Variants in ROCK2 observed in about 807,000 individuals in gnomAD.
The protein encoded by ROCK2 is Rho associated coiled-coil containing protein kinase 2.
ROCK2 carries 61 observed loss-of-function variants against 195.1 expected under a neutral mutation model. The observed-to-expected ratio is 0.31, with a 90% CI of 0.25 to 0.39. The LOEUF (loss-of-function observed/expected upper bound fraction) is 0.39. Among genes scored for constraint, ROCK2 ranks in the 10% least tolerant of loss-of-function variants. The pLI, the probability that ROCK2 is intolerant of heterozygous loss-of-function variation, is 1.00. For synonymous variants in ROCK2, 504 were observed against 545.5 expected, an observed-to-expected ratio of 0.92 and a Z score of 1.06; for missense variants, 1,109 against 1,637.4, an observed-to-expected ratio of 0.68 and a Z score of 5.57.
Position 11,312,926 on chromosome 2 carries a change from TAG to T in ROCK2, c.142-25192_142-25191del, listed in dbSNP as rs1318794480. ...TATGACATTCTGGAAAAGGCAAAAC[TAG>T]AGATAGCAAAAAGCTCAGTGGTTGG... On this transcript the variant is annotated intron_variant, in intron 1 of 32. Coordinates refer to ENST00000315872, the MANE Select transcript of ROCK2 (RefSeq NM_004850.5). Among the ~76,000 whole-genome samples, 3 of 151,826 alleles carry T rather than the reference TAG, an allele frequency of 2.0e-5. No individual in the cohort carries two copies. In the East Asian group the frequency reaches 5.8e-4, roughly 29 times the overall value.
intron 3 of ROCK2, among the ~76,000 whole-genome samples, chr2:11,282,296 A>G (rs960999691): frequency 7.2e-5 from 11 of 152,124 alleles, no homozygotes; most frequent in African/African-American, 2.7e-4. Flanking sequence ...GGTTGCAGTG[A>G]GCCAGGATCA....
intron 3 of ROCK2, among the ~76,000 whole-genome samples, chr2:11,251,802 TAAAC>T (rs1186978922): frequency 6.6e-6 from 1 of 151,574 alleles, no homozygotes; most frequent in Non-Finnish European, 1.5e-5. Context: ...ACAAGGAACT[TAAAC>T]AAATTTACAA....
chr2:11,326,895 T>G (rs975814329), intron 1 of ROCK2, among the ~76,000 whole-genome samples: 1 of 152,186 alleles, frequency 6.6e-6, no homozygotes, highest in African/African-American at 2.4e-5. Context: ...TGGGTTCTGT[T>G]TTCCCATGAA....
At chr2:11,250,198 C>G (rs1665782388) in intron 3 of ROCK2, among the ~76,000 whole-genome samples, 1 of 152,110 alleles carries the variant, frequency 6.6e-6, no homozygotes, top group South Asian at 2.1e-4. Context: ...GTATACACAT[C>G]CCTCACTATC....
At chr2:11,207,414 C>T (rs1664091370) in intron 20 of ROCK2, among the ~76,000 whole-genome samples, 1 of 152,248 alleles carries the variant, frequency 6.6e-6, no homozygotes, top group African/African-American at 2.4e-5. Flanking sequence ...GGCACACGGA[C>T]AATAAGCTTG....
At chr2:11,191,155 C>T (rs1663406600) in intron 32 of ROCK2, among the ~76,000 whole-genome samples, 1 of 152,158 alleles carries the variant, frequency 6.6e-6, no homozygotes, top group Non-Finnish European at 1.5e-5. Flanking sequence ...AAATCAGATA[C>T]CTGATCAAAG....
At chr2:11,236,980 G>A (rs745857460) in intron 4 of ROCK2, among the ~76,000 whole-genome samples, 3 of 151,888 alleles carry the variant, frequency 2.0e-5, no homozygotes, top group East Asian at 1.9e-4. Flanking sequence ...GTGAAACCCC[G>A]TCTCTACTAA....
At chr2:11,273,697 T>G (rs1043744258) in intron 3 of ROCK2, among the ~76,000 whole-genome samples, 1 of 152,102 alleles carries the variant, frequency 6.6e-6, no homozygotes, top group Non-Finnish European at 1.5e-5. Context: ...CAAGTGCACA[T>G]GGGACATTTT....
chr2:11,229,417 G>T (rs1664922822), intron 5 of ROCK2, among the ~76,000 whole-genome samples: 1 of 151,982 alleles, frequency 6.6e-6, no homozygotes, highest in African/African-American at 2.4e-5. Flanking sequence ...TAAAGAGATT[G>T]GTTTACCAAC....
intron 8 of ROCK2, among the ~76,000 whole-genome samples, chr2:11,221,626 C>T (rs926168741): frequency 3.3e-5 from 5 of 152,058 alleles, no homozygotes; most frequent in Admixed American, 3.3e-4. Context: ...TTAGAGACCT[C>T]CATTTTCTAC....
At chr2:11,306,406 T>G (rs1471473996) in intron 1 of ROCK2, among the ~76,000 whole-genome samples, 1 of 152,198 alleles carries the variant, frequency 6.6e-6, no homozygotes, top group Non-Finnish European at 1.5e-5. Flanking sequence ...TTATCTTTGT[T>G]TTACCTTCTT....
rs766703971 is a variant in ROCK2 at position 11,257,882 on chromosome 2, GAA to G, written c.325-8086_325-8085del. Among the ~76,000 whole-genome samples the G allele has an allele frequency of 2.6e-5, 4 of 151,464 alleles. 1 individual carries two copies. The highest frequency in any genetic ancestry group is 9.8e-5 in the African/African-American group (4 of 40,738). On this transcript the variant is annotated intron_variant, in intron 3 of 32. Transcript: ENST00000315872. ...ATAATGGAGTGATGTATTCTCAAGT[GAA>G]AAGTGTTTGTTTTTCTAACCTGGCC...
intron 1 of ROCK2, among the ~76,000 whole-genome samples, chr2:11,292,096 T>C (rs1249817554): frequency 6.6e-6 from 1 of 152,126 alleles, no homozygotes; most frequent in African/African-American, 2.4e-5. Context: ...GGATTACAAG[T>C]TTATTATTTC....
In ROCK2 at chr2:11,201,450, T is replaced by C; in HGVS notation, c.2620-37A>G. 1 of 1,063,028 alleles carries C rather than the reference T, an allele frequency of 9.4e-7. No individual in the cohort carries two copies. The allele number at this position is 1,063,028 out of a possible 1,614,324, so 65.8% of individuals were successfully genotyped here. A position where few individuals can be genotyped will look rare whatever the true frequency, so the allele number is the denominator to read the frequency against. ...AATACAACAGAAATGCGTATCATCA[T>C]CAGAAATATTACTTCTACATTCAAA... On this transcript the variant is annotated intron_variant, in intron 21 of 32. Transcript: ENST00000315872. The surrounding 1 kb of genome is among the most constrained non-coding windows in gnomAD (Gnocchi z 4.6).
intron 17 of ROCK2, among the ~76,000 whole-genome samples, chr2:11,212,130 T>A (rs1310764864): frequency 6.6e-6 from 1 of 152,026 alleles, no homozygotes; most frequent in Non-Finnish European, 1.5e-5. Flanking sequence ...CTGCCTACAC[T>A]GATCTTGAAC....
intron 1 of ROCK2, among the ~76,000 whole-genome samples, chr2:11,325,324 C>G (rs1668514889): frequency 6.6e-6 from 1 of 152,182 alleles, no homozygotes. Flanking sequence ...GGTCTTGGAA[C>G]CAATCCCCCT....
Position 11,235,646 on chromosome 2 carries a change from T to G in ROCK2, c.723+56A>C. 1 of 1,520,692 alleles carries G rather than the reference T, an allele frequency of 6.6e-7. No homozygotes were observed. The allele number at this position is 1,520,692 out of a possible 1,614,324, so 94.2% of individuals were successfully genotyped here. The stretch of plus-strand genomic sequence containing the variant: ...AACTATGAAGACCTGACTTAAAGTA[T>G]TTCATTTATTTCTGTCCCTCAAAAC... On this transcript the variant is annotated intron_variant, in intron 5 of 32. Coordinates refer to ENST00000315872, the MANE Select transcript of ROCK2 (RefSeq NM_004850.5). The surrounding 1 kb of genome is among the most constrained non-coding windows in gnomAD (Gnocchi z 4.2).
Position 11,344,076 on chromosome 2 carries a change from C to G in ROCK2, c.61G>C (p.Gly21Arg), listed in dbSNP as rs199520770. The G allele has an allele frequency of 1.3e-6, 2 of 1,550,206 alleles. No individual in the cohort carries two copies. The highest frequency in any genetic ancestry group is 1.2e-5 in the South Asian group (1 of 85,294). ...PGAPETAPGDGAGASRQRKLE... is the reference protein window; with the variant it reads ...PGAPETAPGDRAGASRQRKLE... ...TTCCTCTGGCGGCTCGCGCCTGCCC[C>G]GTCCCCCGGCGCGGTCTCGGGGGCG... The change falls in exon 1 of 33, where the codon GGG (glycine) becomes CGG (arginine). Residue 21 changes from glycine to arginine, a missense_variant. Coordinates refer to ENST00000315872, the MANE Select transcript of ROCK2 (RefSeq NM_004850.5). This position sits in a 1 kb window ranked among gnomAD's most constrained non-coding sequence, Gnocchi z 5.4.
intron 1 of ROCK2, among the ~76,000 whole-genome samples, chr2:11,302,309 T>C (rs1314207508): frequency 7.2e-6 from 1 of 139,518 alleles, no homozygotes; most frequent in Non-Finnish European, 1.7e-5. Context: ...GGGTGGGGTG[T>C]TTTTTTGTTG....
Sources: allele counts gnomAD v4.1 joint callset (sites outside exome capture counted in the v4.1 genomes callset), GRCh38; gene constraint gnomAD v4.1.1; non-coding constraint Gnocchi (gnomAD v3.1); transcripts MANE v1.5; gene names NCBI Gene and HGNC (gene_info 2026-07-23, HGNC 2026-07-21).